Variants in MAST2 observed in about 807,000 individuals in gnomAD.
The protein encoded by MAST2 is microtubule associated serine/threonine kinase 2.
MAST2 carries 70 observed loss-of-function variants against 147.4 expected under a neutral mutation model. The observed-to-expected ratio is 0.47, with a 90% CI of 0.39 to 0.58. The LOEUF is 0.58. MAST2 is among the 20% of genes least tolerant of loss of function. MAST2 has a pLI of 0.00. For synonymous variants in MAST2, 869 were observed against 896.8 expected (o/e 0.97, Z 0.55); for missense variants, 2,080 against 2,302.3 (o/e 0.90, Z 1.98).
At chr1:45,887,914 G>A (rs1188305503) in intron 4 of MAST2, among the ~76,000 whole-genome samples, 1 of 152,190 alleles carries the variant, frequency 6.6e-6, no homozygotes, top group African/African-American at 2.4e-5. Context: ...GGGAAGGCAG[G>A]ACGTAGCAGA....
intron 4 of MAST2, among the ~76,000 whole-genome samples, chr1:45,937,755 A>C: frequency 2.9e-5 from 1 of 34,836 alleles, no homozygotes; most frequent in Admixed American, 2.6e-4. Context: ...CCATCTCAAA[A>C]AAAAAAAAAA....
At chr1:45,878,783 G>GT (rs1205957720) in intron 3 of MAST2, among the ~76,000 whole-genome samples, 1 of 152,078 alleles carries the variant, frequency 6.6e-6, no homozygotes, top group Non-Finnish European at 1.5e-5. Context: ...AATAAAAGGA[G>GT]TGCAAGGTGT....
intron 3 of MAST2, among the ~76,000 whole-genome samples, chr1:45,862,487 A>ATTTT (rs67344347): frequency 0.029 from 3,990 of 136,172 alleles, 157 homozygotes; most frequent in African/African-American, 0.077. Context: ...AGGACTGAAG[A>ATTTT]TTTTTTTTTT....
chr1:46,035,689 G>A lies in MAST2; in HGVS notation c.5020G>A (p.Ala1674Thr), dbSNP rs757114069. 6.2e-7 allele frequency: 1 copy of A among 1,613,920 alleles called. No individual in the cohort carries two copies. The highest frequency in any genetic ancestry group is 8.5e-7 in the Non-Finnish European group (1 of 1,180,014). ...AGACAGGGCATCCCCAAGCAGAAAG[G>A]CAACCATGGCAGGTGGGCTAGCCAA... ...GPDRASPSRK[A>T]TMAGGLANLQ... The change falls in exon 29 of 29, where the codon GCA (alanine) becomes ACA (threonine). Residue 1674 changes from alanine to threonine, a missense_variant. Ala to Thr is a moderately conservative substitution (Grantham distance 58, BLOSUM62 0). Coordinates refer to ENST00000361297, the MANE Select transcript of MAST2 (RefSeq NM_015112.3). The surrounding 1 kb of genome is among the most constrained non-coding windows in gnomAD (Gnocchi z 5.5).
At position 45,931,377 on chromosome 1, in the gene MAST2, G is replaced by GTTTTTTT. The variant is rs71587091; in HGVS notation, c.501-27993_501-27987dup. ...TCACAAAAAGGTGGTATTGTGTTCTGTTTTTTTTTTTTTTTTTTTTTTGAG... is the reference window on the plus strand; with the variant it reads ...TCACAAAAAGGTGGTATTGTGTTCTGTTTTTTTTTTTTTTTTTTTTTTTTTTTTTGAG... On this transcript the variant is annotated intron_variant, in intron 4 of 28. Transcript: ENST00000361297. Among the ~76,000 whole-genome samples the GTTTTTTT allele has an allele frequency of 1.0e-3, 106 of 101,176 alleles. 2 individuals carry two copies. The highest frequency in any genetic ancestry group is 1.4e-3 in the South Asian group (4 of 2,826). 66.4% of individuals were successfully genotyped at this position (101,176 alleles called of 152,430 possible). A position where few individuals can be genotyped will look rare whatever the true frequency, so the allele number is the denominator to read the frequency against.
intron 4 of MAST2, among the ~76,000 whole-genome samples, chr1:45,894,077 G>A (rs941828060): frequency 1.3e-5 from 2 of 151,996 alleles, no homozygotes; most frequent in African/African-American, 2.4e-5. Flanking sequence ...TTAGCTGGAC[G>A]TGGTAGCGCA....
intron 10 of MAST2, among the ~76,000 whole-genome samples, chr1:46,015,935 T>C (rs1436019829): frequency 6.6e-6 from 1 of 152,178 alleles, no homozygotes; most frequent in East Asian, 1.9e-4. Context: ...AATAAAATAC[T>C]GGCAAACCGA....
At chr1:45,812,445 T>A (rs1390499643) in intron 1 of MAST2, among the ~76,000 whole-genome samples, 2 of 149,060 alleles carry the variant, frequency 1.3e-5, no homozygotes, top group African/African-American at 2.5e-5. Context: ...TTTTTTTTTT[T>A]TAGACGGAGT....
chr1:45,865,701 G>A (rs969154777), intron 3 of MAST2, among the ~76,000 whole-genome samples: 7 of 152,100 alleles, frequency 4.6e-5, no homozygotes, highest in African/African-American at 1.7e-4. Context: ...AGATGAAGAG[G>A]TATGTAAGAT....
intron 5 of MAST2, among the ~76,000 whole-genome samples, chr1:45,973,779 G>A (rs2149006620): frequency 6.6e-6 from 1 of 152,314 alleles, no homozygotes; most frequent in African/African-American, 2.4e-5. Flanking sequence ...AATAGCATGT[G>A]ATCACCTGAG....
intron 4 of MAST2, among the ~76,000 whole-genome samples, chr1:45,906,944 T>TA (rs1650855535): frequency 6.6e-6 from 1 of 152,142 alleles, no homozygotes; most frequent in African/African-American, 2.4e-5. Context: ...CACAAATACT[T>TA]ACCATTGTGT....
chr1:45,861,492 C>G (rs1320359602), intron 3 of MAST2, among the ~76,000 whole-genome samples: 1 of 151,718 alleles, frequency 6.6e-6, no homozygotes, highest in Non-Finnish European at 1.5e-5. Context: ...GAGAAAATAG[C>G]TATAATGTGG....
chr1:45,883,833 T>C (rs1168177803), intron 4 of MAST2, among the ~76,000 whole-genome samples: 2 of 130,880 alleles, frequency 1.5e-5, no homozygotes, highest in African/African-American at 5.7e-5. Flanking sequence ...ACCAAATAGG[T>C]ATGCATAACT....
chr1:45,912,331 T>G (rs1261947392), intron 4 of MAST2, among the ~76,000 whole-genome samples: 1 of 152,228 alleles, frequency 6.6e-6, no homozygotes. Context: ...ATTTGTATAT[T>G]TGTATGTATT....
intron 5 of MAST2, among the ~76,000 whole-genome samples, chr1:45,980,066 C>G (rs1197041106): frequency 6.6e-6 from 1 of 152,066 alleles, no homozygotes; most frequent in African/African-American, 2.4e-5. Flanking sequence ...AGGTGGATCA[C>G]TTGAGGTCAG....
intron 5 of MAST2, among the ~76,000 whole-genome samples, chr1:45,961,961 C>A (rs916896662): frequency 1.3e-5 from 2 of 151,822 alleles, no homozygotes; most frequent in African/African-American, 2.4e-5. Flanking sequence ...GTGATGTTCC[C>A]CTTCCTGTGT....
intron 3 of MAST2, among the ~76,000 whole-genome samples, chr1:45,876,152 A>G (rs966498615): frequency 3.3e-5 from 5 of 152,216 alleles, no homozygotes; most frequent in African/African-American, 1.2e-4. Flanking sequence ...GTGAAGCTTC[A>G]TTACCCTGGC....
At chr1:45,988,045 C>G (rs978942001) in intron 5 of MAST2, among the ~76,000 whole-genome samples, 14 of 151,852 alleles carry the variant, frequency 9.2e-5, no homozygotes, top group Non-Finnish European at 1.5e-5. Flanking sequence ...CATAGTCTTG[C>G]TCTGTTGCCC....
intron 3 of MAST2, among the ~76,000 whole-genome samples, chr1:45,872,149 A>T (rs141780969): frequency 6.6e-6 from 1 of 152,322 alleles, no homozygotes; most frequent in East Asian, 1.9e-4. Flanking sequence ...CTTCTCTGGA[A>T]AGAGTGCTGC....
Sources: gnomAD v4.1 joint callset for allele counts (sites outside exome capture counted in the v4.1 genomes callset) on GRCh38, gnomAD v4.1.1 for gene constraint, Gnocchi (gnomAD v3.1) non-coding constraint, MANE v1.5 for transcripts, NCBI Gene and HGNC (gene_info 2026-07-23, HGNC 2026-07-21) for gene names.